Variants in GPRIN3 observed in about 807,000 individuals in gnomAD.
GPRIN3 encodes G protein-regulated inducer of neurite outgrowth 3.
In GPRIN3, 12 loss-of-function variants were observed where a neutral mutation model predicts 13.7. That is an observed-to-expected ratio of 0.87 (90% CI 0.56 to 1.42). The LOEUF (loss-of-function observed/expected upper bound fraction) is 1.42, where lower values mean the gene tolerates loss of function less well. GPRIN3 is among the 40% of genes most tolerant of loss of function. The pLI is 0.00. For synonymous variants in GPRIN3, 377 were observed against 372.7 expected (o/e 1.01, Z -0.13); for missense variants, 1,009 against 958.7 (o/e 1.05, Z -0.69).
At position 89,249,452 on chromosome 4, in the gene GPRIN3, T is replaced by C; in HGVS notation, c.659A>G (p.Glu220Gly). The change falls in exon 2 of 2, where the codon GAA (glutamate) becomes GGA (glycine). Residue 220 changes from glutamate (E) to glycine (G), a missense_variant. By Grantham distance (98) the Glu-to-Gly change is moderately conservative. Transcript: ENST00000609438. ...ACAGATGGCTCCCTGCCTTTCCCCT[T>C]CAGGTCCACCTACAGGAGAGGATGA... ...SHSSSPVGGP[E>G]GERQGAICDS... 6.2e-7 allele frequency: 1 copy of C among 1,614,080 alleles called. No homozygotes were observed. Among genetic ancestry groups the C allele is most frequent in the Non-Finnish European group, 8.5e-7 (1 of 1,179,994 alleles).
chr4:89,250,228 A>G lies in GPRIN3; in HGVS notation c.-118T>C. The stretch of plus-strand genomic sequence containing the variant: ...CAGTCAGGGATGATTCCTCTGAAGA[A>G]CCAGCCTGTGAATCAAGGAAACAGC... On this transcript the variant is annotated 5_prime_UTR_variant, in exon 2 of 2. Transcript: ENST00000609438. The G allele has an allele frequency of 6.7e-7, 1 of 1,500,982 alleles. No homozygotes were observed. Among genetic ancestry groups the G allele is most frequent in the Non-Finnish European group, 8.9e-7 (1 of 1,125,790 alleles). 93.0% of individuals were successfully genotyped at this position (1,500,982 alleles called of 1,614,324 possible). A position where few individuals can be genotyped will look rare whatever the true frequency, so the allele number is the denominator to read the frequency against.
chr4:89,263,629 G>A lies in GPRIN3; in HGVS notation c.-123-13396C>T, dbSNP rs531191301. ...AAATTGCCTGTGAGCCTGAATTTTC[G>A]TGGCTGTAGGACAAAGTACCCCATC... On this transcript the variant is annotated intron_variant, in intron 1 of 1. Transcript: ENST00000609438. Among the ~76,000 whole-genome samples, 11 of 152,196 alleles carry A rather than the reference G, an allele frequency of 7.2e-5. No homozygotes were observed. The East Asian group carries it at 1.7e-3, about 24-fold the overall frequency.
chr4:89,294,905 A>G (rs1724691039), intron 1 of GPRIN3, among the ~76,000 whole-genome samples: 1 of 152,236 alleles, frequency 6.6e-6, no homozygotes, highest in Admixed American at 6.5e-5. Flanking sequence ...ACAAATTCCC[A>G]AGGAAAAATA....
intron 1 of GPRIN3, among the ~76,000 whole-genome samples, chr4:89,273,599 T>C (rs1034867515): frequency 4.6e-5 from 7 of 152,144 alleles, no homozygotes; most frequent in Non-Finnish European, 7.4e-5. Context: ...AGGCAGGGAA[T>C]TGCTTGAACC....
rs113255743 is a variant in GPRIN3, at chr4:89,268,563, A to G, written c.-123-18330T>C. Reference sequence around the variant, plus strand: ...AATCCCCCCACAACTCACTTCAAATAAATGTATAGTCCAATAAAAGCAGTG... The same window carrying G: ...AATCCCCCCACAACTCACTTCAAATGAATGTATAGTCCAATAAAAGCAGTG... On this transcript the variant is annotated intron_variant, in intron 1 of 1. Transcript: ENST00000609438. Among the ~76,000 whole-genome samples the G allele has an allele frequency of 2.0e-3, 303 of 152,346 alleles. 12 individuals carry two copies. In the South Asian group the frequency reaches 0.056, roughly 28 times the overall value.
chr4:89,297,879 C>G (rs978587441), intron 1 of GPRIN3, among the ~76,000 whole-genome samples: 1 of 152,104 alleles, frequency 6.6e-6, no homozygotes, highest in Non-Finnish European at 1.5e-5. Flanking sequence ...TCTAAAACAG[C>G]GGCCCTTAAG....
At chr4:89,283,774 T>C (rs1561218765) in intron 1 of GPRIN3, among the ~76,000 whole-genome samples, 2 of 152,058 alleles carry the variant, frequency 1.3e-5, no homozygotes, top group African/African-American at 2.4e-5. Context: ...CAAGCATGAA[T>C]AGATATACAG....
rs146574354 is a variant in GPRIN3, at chr4:89,248,701, C to G, written c.1410G>C (p.Gln470His). ...CTTGACTGCATGCACTGATAGAAATCTGGTCAATGGCGGTAGCTTTCAGGG... is the reference window on the plus strand; with the variant it reads ...CTTGACTGCATGCACTGATAGAAATGTGGTCAATGGCGGTAGCTTTCAGGG... ...SSSLKATAID[Q>H]ISISACSQAE... Residue 470 changes from glutamine to histidine, a missense_variant, in exon 2 of 2, where the codon CAG becomes CAC. By Grantham distance (24) the Gln-to-His change is conservative (BLOSUM62 0). Coordinates refer to ENST00000609438, the MANE Select transcript of GPRIN3 (RefSeq NM_198281.3). The G allele has an allele frequency of 6.4e-5, 103 of 1,614,136 alleles. No homozygotes were observed. In the African/African-American group the frequency reaches 1.3e-3, roughly 20 times the overall value.
chr4:89,242,725 A>T lies in GPRIN3; in HGVS notation c.*5055T>A, dbSNP rs1722978763. Reference sequence around the variant, plus strand: ...GCTGGTATAACTGCCTCTTTTTGGCACATTATTGCTTGGCTTTAATTTCAT... The same window carrying T: ...GCTGGTATAACTGCCTCTTTTTGGCTCATTATTGCTTGGCTTTAATTTCAT... On this transcript the variant is annotated 3_prime_UTR_variant, in exon 2 of 2. Coordinates refer to ENST00000609438, the MANE Select transcript of GPRIN3 (RefSeq NM_198281.3). 1 of 152,174 alleles carries T rather than the reference A, an allele frequency of 6.6e-6. No individual in the cohort carries two copies. Among genetic ancestry groups the T allele is most frequent in the Admixed American group, 6.5e-5 (1 of 15,276 alleles). The allele number at this position is 152,174 out of a possible 1,614,324, so 9.4% of individuals were successfully genotyped here. A position where few individuals can be genotyped will look rare whatever the true frequency, so the allele number is the denominator to read the frequency against.
rs138642167 is a variant in GPRIN3 at position 89,248,263 on chromosome 4, G to T, written c.1848C>A (p.Ser616Arg). 1.6e-4 allele frequency: 253 copies of T among 1,614,208 alleles called. 1 individual carries two copies. The East Asian group carries it at 3.6e-3, about 23-fold the overall frequency. Residue 616 changes from serine to arginine, a missense_variant, in exon 2 of 2, where the codon AGC (serine) becomes AGA (arginine). By Grantham distance (110) the Ser-to-Arg change is moderately radical. Coordinates refer to ENST00000609438, the MANE Select transcript of GPRIN3 (RefSeq NM_198281.3). ...SLPSDPMGDS[S>R]PGSGKKTPSR... is the part of the protein sequence containing the mutation. Reference sequence around the variant, plus strand: ...ATGGGGTCTTCTTGCCAGAACCTGGGCTGGAGTCACCCATGGGATCAGATG... The same window carrying T: ...ATGGGGTCTTCTTGCCAGAACCTGGTCTGGAGTCACCCATGGGATCAGATG...
In GPRIN3 at chr4:89,247,740, T is replaced by C. The variant is rs139427967; in HGVS notation, c.*40A>G. On this transcript the variant is annotated 3_prime_UTR_variant, in exon 2 of 2. Coordinates refer to ENST00000609438, the MANE Select transcript of GPRIN3 (RefSeq NM_198281.3). ...TTTGACATAGAGGGACGCATGTGAA[T>C]ACCGTAAATTTATACACAAACTCCC... 3,811 of 1,551,422 alleles carry C rather than the reference T, an allele frequency of 2.5e-3. 11 individuals carry two copies. The highest frequency in any genetic ancestry group is 4.3e-3 in the Admixed American group (232 of 53,880).
chr4:89,262,284 T>G (rs1398184147), intron 1 of GPRIN3, among the ~76,000 whole-genome samples: 2 of 151,846 alleles, frequency 1.3e-5, no homozygotes, highest in Non-Finnish European at 2.9e-5. Context: ...AAGAGAAAAA[T>G]GAGTATCTTT....
chr4:89,269,196 G>A (rs1211101638), intron 1 of GPRIN3, among the ~76,000 whole-genome samples: 3 of 152,130 alleles, frequency 2.0e-5, no homozygotes, highest in Non-Finnish European at 4.4e-5. Flanking sequence ...GTTTTTCATA[G>A]ATGACCATCG....
At position 89,247,468 on chromosome 4, in the gene GPRIN3, A is replaced by G. The variant is rs1361843390; in HGVS notation, c.*312T>C. ...TATACAAAATAATACATGTATAATG[A>G]TACAATAATGCTATTTCTATGAACA... On this transcript the variant is annotated 3_prime_UTR_variant, in exon 2 of 2. Coordinates refer to ENST00000609438, the MANE Select transcript of GPRIN3 (RefSeq NM_198281.3). The G allele has an allele frequency of 3.8e-6, 1 of 262,872 alleles. No homozygotes were observed. The highest frequency in any genetic ancestry group is 2.2e-5 in the African/African-American group (1 of 45,030). 16.3% of individuals were successfully genotyped at this position (262,872 alleles called of 1,614,324 possible).
At chr4:89,258,465 C>T (rs1010578269) in intron 1 of GPRIN3, among the ~76,000 whole-genome samples, 4 of 152,096 alleles carry the variant, frequency 2.6e-5, no homozygotes, top group Non-Finnish European at 4.4e-5. Flanking sequence ...TCCACTCCCT[C>T]GACCTCCCAA....
chr4:89,249,737 GGT>G lies in GPRIN3; in HGVS notation c.372_373del (p.Pro125IlefsTer16). 1.2e-6 allele frequency: 2 copies of G among 1,614,192 alleles called. No individual in the cohort carries two copies. The highest frequency in any genetic ancestry group is 1.7e-6 in the Non-Finnish European group (2 of 1,180,016). ...GTGCTGATTGGCGGGCATTGTCAAT[GGT>G]GTGTGTATAAGATCCCTTCCTGCTG... On this transcript the variant is annotated frameshift_variant, in exon 2 of 2. Coordinates refer to ENST00000609438, the MANE Select transcript of GPRIN3 (RefSeq NM_198281.3). LOFTEE classifies it low-confidence loss of function (END_TRUNC).
intron 1 of GPRIN3, among the ~76,000 whole-genome samples, chr4:89,263,338 T>C (rs1723690503): frequency 6.6e-6 from 1 of 152,210 alleles, no homozygotes; most frequent in African/African-American, 2.4e-5. Flanking sequence ...ATTGGTATGT[T>C]CTCTTATTGA....
chr4:89,238,294 T>TA lies in GPRIN3; in HGVS notation c.*9485dup, dbSNP rs1722837694. 6.6e-6 allele frequency: 1 copy of TA among 151,956 alleles called. No individual in the cohort carries two copies. The highest frequency in any genetic ancestry group is 2.4e-5 in the African/African-American group (1 of 41,352). 9.4% of individuals were successfully genotyped at this position (151,956 alleles called of 1,614,324 possible). A position where few individuals can be genotyped will look rare whatever the true frequency, so the allele number is the denominator to read the frequency against. On this transcript the variant is annotated 3_prime_UTR_variant, in exon 2 of 2. Transcript: ENST00000609438. ...GATGAATTGAAGATATTCAAGGAGG[T>TA]AAAAAGGGATCAAACTGTAGTGCTA...
intron 1 of GPRIN3, among the ~76,000 whole-genome samples, chr4:89,305,642 C>A (rs533520119): frequency 2.0e-5 from 3 of 152,298 alleles, no homozygotes; most frequent in South Asian, 4.1e-4. Flanking sequence ...GTGTTTCCTG[C>A]AAGCTGCAGA....
Sources: allele counts gnomAD v4.1 joint callset (sites outside exome capture counted in the v4.1 genomes callset), GRCh38; gene constraint gnomAD v4.1.1; transcripts MANE v1.5; gene names NCBI Gene and HGNC (gene_info 2026-07-23, HGNC 2026-07-21).